Variants in SCUBE3 observed in about 807,000 individuals in gnomAD.
SCUBE3 encodes signal peptide, CUB domain and EGF like domain containing 3, also known as signal peptide, CUB and EGF-like domain-containing protein 3.
A neutral mutation model predicts 116.8 loss-of-function variants in SCUBE3; 33 were observed. The observed-to-expected ratio is 0.28, with a 90% CI of 0.21 to 0.38. SCUBE3 has a LOEUF of 0.38. Ranked by LOEUF, SCUBE3 falls within the 10% of genes least tolerant of loss-of-function variation. The pLI, the probability that SCUBE3 is intolerant of heterozygous loss-of-function variation, is 1.00. For synonymous variants in SCUBE3, 418 were observed against 496.9 expected, an observed-to-expected ratio of 0.84 and a Z score of 2.11; for missense variants, 1,007 against 1,324.8, an observed-to-expected ratio of 0.76 and a Z score of 3.72.
At chr6:35,247,608 A>G (rs1029858224) in intron 21 of SCUBE3, among the ~76,000 whole-genome samples, 2 of 152,260 alleles carry the variant, frequency 1.3e-5, no homozygotes, top group Non-Finnish European at 2.9e-5. Context: ...TATACTTTTA[A>G]TAATACTTTT....
chr6:35,247,438 C>CAAAA (rs368013054), intron 21 of SCUBE3, among the ~76,000 whole-genome samples: 5 of 121,844 alleles, frequency 4.1e-5, no homozygotes, highest in African/African-American at 6.5e-5. Flanking sequence ...GACTCAGTCT[C>CAAAA]AAAAAAAAAA....
At position 35,239,120 on chromosome 6, in the gene SCUBE3, G is replaced by C. The variant is rs1186957437; in HGVS notation, c.830-632G>C. 6.6e-6 allele frequency among the ~76,000 whole-genome samples: 1 copy of C among 151,894 alleles called. No homozygotes were observed. The highest frequency in any genetic ancestry group is 6.6e-5 in the Admixed American group (1 of 15,248). On this transcript the variant is annotated intron_variant, in intron 7 of 21. Coordinates refer to ENST00000274938, the MANE Select transcript of SCUBE3 (RefSeq NM_152753.4). This position sits in a 1 kb window ranked among gnomAD's most constrained non-coding sequence, Gnocchi z 4.1. ...CTTTCCCTTACTAGTGCTGAAAGCT[G>C]CCTCAGGCCTGAGTCTCTCCAGATC... is the stretch of plus-strand genomic sequence containing the variant.
At position 35,228,773 on chromosome 6, in the gene SCUBE3, G is replaced by A. The variant is rs776218220; in HGVS notation, c.334+34G>A. 1.8e-5 allele frequency: 29 copies of A among 1,607,020 alleles called. No individual in the cohort carries two copies. The highest frequency in any genetic ancestry group is 2.3e-5 in the Non-Finnish European group (27 of 1,173,614). On this transcript the variant is annotated intron_variant, in intron 3 of 21. Transcript: ENST00000274938. The surrounding 1 kb of genome is among the most constrained non-coding windows in gnomAD (Gnocchi z 4.9). ...AGGAGAGGGGATTTGGTGGAGGGATGTCTTGTGGAGAAAGAGATCTTTTCA... is the reference window on the plus strand; with the variant it reads ...AGGAGAGGGGATTTGGTGGAGGGATATCTTGTGGAGAAAGAGATCTTTTCA...
intron 21 of SCUBE3, 122 bp from the exon 22 acceptor site, chr6:35,248,434 G>A: frequency 1.2e-6 from 1 of 855,802 alleles, no homozygotes; most frequent in Non-Finnish European, 1.9e-6. Context: ...ATCCAGAGTT[G>A]CCCTCTGGAT....
In SCUBE3 at chr6:35,239,216, G is replaced by A. The variant is rs1418705443; in HGVS notation, c.830-536G>A. Reference sequence around the variant, plus strand: ...GCTACCCAGCCTCACTGGCTCTCCTGGAGGTCCTCCCTGCCTGGCCTCTTT... The same window carrying A: ...GCTACCCAGCCTCACTGGCTCTCCTAGAGGTCCTCCCTGCCTGGCCTCTTT... On this transcript the variant is annotated intron_variant, in intron 7 of 21. Transcript: ENST00000274938. This position sits in a 1 kb window ranked among gnomAD's most constrained non-coding sequence, Gnocchi z 4.1. Among the ~76,000 whole-genome samples, 1 of 151,656 alleles carries A rather than the reference G, an allele frequency of 6.6e-6. No individual in the cohort carries two copies. The highest frequency in any genetic ancestry group is 1.5e-5 in the Non-Finnish European group (1 of 67,934).
rs2150315425 is a variant in SCUBE3, at chr6:35,245,563, T to C, written c.2599+138T>C. 1 of 696,072 alleles carries C rather than the reference T, an allele frequency of 1.4e-6. No homozygotes were observed. The allele number at this position is 696,072 out of a possible 1,614,324, so 43.1% of individuals were successfully genotyped here. A position where few individuals can be genotyped will look rare whatever the true frequency, so the allele number is the denominator to read the frequency against. On this transcript the variant is annotated intron_variant, in intron 19 of 21. Transcript: ENST00000274938. The surrounding 1 kb of genome is among the most constrained non-coding windows in gnomAD (Gnocchi z 4.2). ...TGAGGGTGAAATAGTGAGAGGCCTT[T>C]AGGAAGAGAGAAGCTAACAAAGGAA...
chr6:35,238,896 G>T (rs571613104), intron 7 of SCUBE3, among the ~76,000 whole-genome samples: 9 of 152,088 alleles, frequency 5.9e-5, no homozygotes, highest in East Asian at 3.9e-4. Flanking sequence ...GCGAGAGGAG[G>T]GGGGAGGCTA....
rs539038885 is a variant in SCUBE3 at position 35,230,987 on chromosome 6, T to C, written c.335-738T>C. ...GGCTCTAGAACCTAGGGGTGGTGATTTGGGGGTGAGAGCCTACTGTTCTCC... is the reference window on the plus strand; with the variant it reads ...GGCTCTAGAACCTAGGGGTGGTGATCTGGGGGTGAGAGCCTACTGTTCTCC... On this transcript the variant is annotated intron_variant, in intron 3 of 21. Coordinates refer to ENST00000274938, the MANE Select transcript of SCUBE3 (RefSeq NM_152753.4). Among the ~76,000 whole-genome samples the C allele has an allele frequency of 4.6e-4, 70 of 152,226 alleles. 2 individuals are homozygous for C. In the South Asian group the frequency reaches 0.014, roughly 31 times the overall value.
chr6:35,234,338 T>A (rs1399789515), intron 6 of SCUBE3, among the ~76,000 whole-genome samples: 2 of 152,136 alleles, frequency 1.3e-5, no homozygotes, highest in East Asian at 3.9e-4. Flanking sequence ...AAGTTATGTA[T>A]ATCAGAGACA....
chr6:35,214,427 G>T lies in SCUBE3; in HGVS notation c.9G>T (p.Ser3=), dbSNP rs1313706133. 1.4e-6 allele frequency: 2 copies of T among 1,469,390 alleles called. No individual in the cohort carries two copies. Among genetic ancestry groups the T allele is most frequent in the Non-Finnish European group, 9.0e-7 (1 of 1,111,976 alleles). 91.0% of individuals were successfully genotyped at this position (1,469,390 alleles called of 1,614,324 possible). A position where few individuals can be genotyped will look rare whatever the true frequency, so the allele number is the denominator to read the frequency against. Residue 3 remains serine, a synonymous_variant, in exon 1 of 22, where the codon TCG becomes TCT. Transcript: ENST00000274938. The surrounding 1 kb of genome is among the most constrained non-coding windows in gnomAD (Gnocchi z 6.3). MG[S]GRVPGLCLLV... is the part of the protein sequence containing the mutation. ...CGCCAGTAGCTCCAGCCATGGGCTC[G>T]GGGCGCGTACCCGGGCTCTGCCTGC...
At position 35,214,340 on chromosome 6, in the gene SCUBE3, G is replaced by A. The variant is rs1352588269; in HGVS notation, c.-79G>A. On this transcript the variant is annotated 5_prime_UTR_variant, in exon 1 of 22. Coordinates refer to ENST00000274938, the MANE Select transcript of SCUBE3 (RefSeq NM_152753.4). The surrounding 1 kb of genome is among the most constrained non-coding windows in gnomAD (Gnocchi z 6.3). ...GCGCCCCCTCCCCTCCCCCTCCTGC[G>A]AGCTGGGATCCGGCCGGCTTCCGCC... 1 of 898,922 alleles carries A rather than the reference G, an allele frequency of 1.1e-6. No individual in the cohort carries two copies. Among genetic ancestry groups the A allele is most frequent in the Non-Finnish European group, 1.5e-6 (1 of 669,080 alleles). 55.7% of individuals were successfully genotyped at this position (898,922 alleles called of 1,614,324 possible).
chr6:35,232,788 T>A lies in SCUBE3; in HGVS notation c.470-62T>A. 6.4e-7 allele frequency: 1 copy of A among 1,557,286 alleles called. No individual in the cohort carries two copies. The highest frequency in any genetic ancestry group is 8.8e-7 in the Non-Finnish European group (1 of 1,131,316). ...TCCCTAGGTCCCCAGTTGCCCCCTG[T>A]AGTTTTTCTTTTCTAGACATCCAGG... is the stretch of plus-strand genomic sequence containing the variant. On this transcript the variant is annotated intron_variant, in intron 4 of 21. Transcript: ENST00000274938. The surrounding 1 kb of genome is among the most constrained non-coding windows in gnomAD (Gnocchi z 4.2).
At position 35,242,191 on chromosome 6, in the gene SCUBE3, A is replaced by G. The variant is rs748623339; in HGVS notation, c.1418-13A>G. On this transcript the variant is annotated splice_polypyrimidine_tract_variant and intron_variant, in intron 12 of 21. Transcript: ENST00000274938. Reference sequence around the variant, plus strand: ...GCATCCCATACTGTGCTGAGTTTCTACCATCCCTCTAGAGGCTGCAGTGCT... The same window carrying G: ...GCATCCCATACTGTGCTGAGTTTCTGCCATCCCTCTAGAGGCTGCAGTGCT... 5.7e-6 allele frequency: 9 copies of G among 1,589,810 alleles called. No individual in the cohort carries two copies. The highest frequency in any genetic ancestry group is 2.7e-5 in the African/African-American group (2 of 74,350).
At chr6:35,234,066 C>T (rs1783659079) in intron 6 of SCUBE3, among the ~76,000 whole-genome samples, 2 of 152,094 alleles carry the variant, frequency 1.3e-5, no homozygotes. Context: ...TTTCAGGTAC[C>T]CTAGATGAGT....
At chr6:35,227,925 T>C (rs1164127149) in intron 2 of SCUBE3, among the ~76,000 whole-genome samples, 1 of 152,138 alleles carries the variant, frequency 6.6e-6, no homozygotes, top group Non-Finnish European at 1.5e-5. Context: ...GTGGGGACAG[T>C]TCACAGCCCA....
chr6:35,229,475 A>G (rs74739776), intron 3 of SCUBE3, among the ~76,000 whole-genome samples: 1 of 152,284 alleles, frequency 6.6e-6, no homozygotes, highest in African/African-American at 2.4e-5. Flanking sequence ...ACAAGACAAC[A>G]TATGAAAAGA....
chr6:35,233,064 G>A lies in SCUBE3; in HGVS notation c.595+89G>A. The A allele has an allele frequency of 6.4e-7, 1 of 1,554,418 alleles. No individual in the cohort carries two copies. Reference sequence around the variant, plus strand: ...TAGGGCTTCAGGAGCAAGAGGACAGGGCTGGGAGGAAAAGGGAGTATGGGG... The same window carrying A: ...TAGGGCTTCAGGAGCAAGAGGACAGAGCTGGGAGGAAAAGGGAGTATGGGG... On this transcript the variant is annotated intron_variant, in intron 5 of 21. Transcript: ENST00000274938. The surrounding 1 kb of genome is among the most constrained non-coding windows in gnomAD (Gnocchi z 5.7).
chr6:35,229,635 C>G (rs1783456912), intron 3 of SCUBE3, among the ~76,000 whole-genome samples: 1 of 152,150 alleles, frequency 6.6e-6, no homozygotes, highest in South Asian at 2.1e-4. Flanking sequence ...CAGTCTCACC[C>G]TCTCCTCACT....
Position 35,233,134 on chromosome 6 carries a change from G to C in SCUBE3, c.596-51G>C. The C allele has an allele frequency of 6.6e-7, 1 of 1,514,462 alleles. No homozygotes were observed. The highest frequency in any genetic ancestry group is 9.2e-7 in the Non-Finnish European group (1 of 1,092,444). 93.8% of individuals were successfully genotyped at this position (1,514,462 alleles called of 1,614,324 possible). A position where few individuals can be genotyped will look rare whatever the true frequency, so the allele number is the denominator to read the frequency against. ...GCCAGTACCCACATTGTGGAAAACT[G>C]TGGATGCAGGGAGGAGCAAGCTGAC... is the stretch of plus-strand genomic sequence containing the variant. On this transcript the variant is annotated intron_variant, in intron 5 of 21. Coordinates refer to ENST00000274938, the MANE Select transcript of SCUBE3 (RefSeq NM_152753.4). This position sits in a 1 kb window ranked among gnomAD's most constrained non-coding sequence, Gnocchi z 5.7.
Sources: gnomAD v4.1 joint callset for allele counts (sites outside exome capture counted in the v4.1 genomes callset) on GRCh38, gnomAD v4.1.1 for gene constraint, Gnocchi (gnomAD v3.1) non-coding constraint, MANE v1.5 for transcripts, NCBI Gene and HGNC (gene_info 2026-07-23, HGNC 2026-07-21) for gene names.